The following RABGAP1L variants were observed in gnomAD, a reference collection of about 807,000 sequenced individuals.
RABGAP1L encodes the protein RAB GTPase activating protein 1 like, also known as rab GTPase-activating protein 1-like.
Under a neutral mutation model 137.7 loss-of-function variants are expected in RABGAP1L, and 63 were observed. The ratio of observed to expected loss-of-function variants is 0.46; its 90% CI spans 0.37 to 0.56. The LOEUF is 0.56. Ranked by LOEUF, RABGAP1L falls within the 20% of genes least tolerant of loss-of-function variation. The pLI is 0.00. For missense variants in RABGAP1L, 1,095 were observed against 1,244.0 expected (o/e 0.88, Z 1.80); for synonymous variants, 431 against 433.7 (o/e 0.99, Z 0.08).
chr1:174,385,409 C>T (rs1000329901), intron 12 of RABGAP1L, among the ~76,000 whole-genome samples: 3 of 152,058 alleles, frequency 2.0e-5, no homozygotes, highest in African/African-American at 7.2e-5. Flanking sequence ...TTAAGACATC[C>T]AAGTGACTAT....
chr1:174,800,934 T>C (rs1328072708), intron 18 of RABGAP1L, among the ~76,000 whole-genome samples: 1 of 152,140 alleles, frequency 6.6e-6, no homozygotes, highest in African/African-American at 2.4e-5. Context: ...GCCAATTTGA[T>C]TGTTGTTTTG....
intron 13 of RABGAP1L, among the ~76,000 whole-genome samples, chr1:174,541,204 G>A (rs2147934012): frequency 6.6e-6 from 1 of 152,258 alleles, no homozygotes; most frequent in South Asian, 2.1e-4. Flanking sequence ...AGATGATGGG[G>A]TTTTCTAAAT....
intron 13 of RABGAP1L, among the ~76,000 whole-genome samples, chr1:174,559,301 C>A (rs547796408): frequency 1.3e-5 from 2 of 152,018 alleles, no homozygotes. Context: ...TGTAGAAAAC[C>A]AAGCATTGAC....
chr1:174,161,578 T>C (rs918069927), intron 1 of RABGAP1L, among the ~76,000 whole-genome samples: 4 of 152,080 alleles, frequency 2.6e-5, no homozygotes, highest in Non-Finnish European at 4.4e-5. Context: ...GAGAAGTAGA[T>C]GAAATAGGGT....
intron 1 of RABGAP1L, among the ~76,000 whole-genome samples, chr1:174,190,179 T>G (rs956886577): frequency 6.6e-6 from 1 of 151,970 alleles, no homozygotes; most frequent in African/African-American, 2.4e-5. Context: ...GGCGTGCACC[T>G]GTAGTCCCAG....
intron 13 of RABGAP1L, among the ~76,000 whole-genome samples, chr1:174,484,050 C>T (rs1659396130): frequency 6.6e-6 from 1 of 152,102 alleles, no homozygotes; most frequent in African/African-American, 2.4e-5. Flanking sequence ...CCCTTTTCTC[C>T]ACATCCTCGC....
intron 18 of RABGAP1L, among the ~76,000 whole-genome samples, chr1:174,807,946 C>CG: frequency 2.1e-5 from 1 of 48,284 alleles, no homozygotes; most frequent in Middle Eastern, 9.6e-3. Flanking sequence ...AAAAACAAAA[C>CG]AAAACAACAA....
intron 13 of RABGAP1L, among the ~76,000 whole-genome samples, chr1:174,581,695 T>C (rs886114153): frequency 6.6e-6 from 1 of 152,218 alleles, no homozygotes; most frequent in African/African-American, 2.4e-5. Context: ...TTTTTTCGTA[T>C]GTGAATTTTA....
chr1:174,774,079 A>G (rs1319115417), intron 18 of RABGAP1L, among the ~76,000 whole-genome samples: 1 of 152,252 alleles, frequency 6.6e-6, no homozygotes, highest in African/African-American at 2.4e-5. Flanking sequence ...AGGAAATGTA[A>G]CTGAAGCATA....
At chr1:174,624,074 C>T (rs11804941) in intron 13 of RABGAP1L, among the ~76,000 whole-genome samples, 88,259 of 152,094 alleles carry the variant, frequency 0.58, 27,944 homozygotes, top group African/African-American at 0.85. Flanking sequence ...CTTTCTGTAT[C>T]CTGGTTCTCT....
chr1:174,230,684 A>G (rs1418786375), intron 3 of RABGAP1L, among the ~76,000 whole-genome samples: 6 of 152,166 alleles, frequency 3.9e-5, no homozygotes, highest in African/African-American at 1.4e-4. Context: ...GGATAAGGCT[A>G]TGACACAGGG....
intron 13 of RABGAP1L, among the ~76,000 whole-genome samples, chr1:174,582,678 A>T (rs1443378576): frequency 6.6e-6 from 1 of 152,202 alleles, no homozygotes; most frequent in African/African-American, 2.4e-5. Flanking sequence ...GGCAATTCAG[A>T]GGTAACCTTA....
chr1:174,529,940 A>G (rs538344648), intron 13 of RABGAP1L, among the ~76,000 whole-genome samples: 9 of 151,918 alleles, frequency 5.9e-5, no homozygotes, highest in Admixed American at 3.3e-4. Flanking sequence ...TGACCCCCAG[A>G]CTCTGCTCTG....
chr1:174,685,551 C>CTTTCTTTATTTATTTATTTA (rs112033205), intron 15 of RABGAP1L, among the ~76,000 whole-genome samples: 124 of 145,066 alleles, frequency 8.5e-4, no homozygotes, highest in African/African-American at 3.0e-3. Flanking sequence ...CCGCGCCGGC[C>CTTTCTTTATTTATTTATTTA]TTTATTTATT....
chr1:174,407,959 C>G (rs1191717676), intron 13 of RABGAP1L, among the ~76,000 whole-genome samples: 3 of 152,138 alleles, frequency 2.0e-5, no homozygotes, highest in African/African-American at 7.2e-5. Flanking sequence ...GATACACTCA[C>G]CACAATAGCA....
chr1:174,868,009 A>T (rs991305381), intron 19 of RABGAP1L, among the ~76,000 whole-genome samples: 2 of 151,924 alleles, frequency 1.3e-5, no homozygotes, highest in African/African-American at 4.8e-5. Flanking sequence ...TCCGTCGCCC[A>T]GGGTGGAGTG....
At chr1:174,685,723 C>T (rs377546946) in intron 15 of RABGAP1L, among the ~76,000 whole-genome samples, 15 of 151,924 alleles carry the variant, frequency 9.9e-5, no homozygotes, top group South Asian at 2.1e-4. Context: ...GCCACCACAC[C>T]GGGCTAATTT....
chr1:174,677,328 A>G (rs1677714298), intron 14 of RABGAP1L, among the ~76,000 whole-genome samples: 1 of 152,306 alleles, frequency 6.6e-6, no homozygotes, highest in Non-Finnish European at 1.5e-5. Flanking sequence ...ATACATATTC[A>G]TTTGCTTTTA....
intron 1 of RABGAP1L, among the ~76,000 whole-genome samples, chr1:174,166,708 T>G (rs1027106920): frequency 4.6e-5 from 7 of 152,266 alleles, no homozygotes; most frequent in Admixed American, 3.3e-4. Flanking sequence ...ATTTCACACT[T>G]ACTGCTTCTA....
Sources: gnomAD v4.1 joint callset for allele counts (sites outside exome capture counted in the v4.1 genomes callset) on GRCh38, gnomAD v4.1.1 for gene constraint, MANE v1.5 for transcripts, NCBI Gene and HGNC (gene_info 2026-07-23, HGNC 2026-07-21) for gene names.